FAF1: variants seen among roughly 807,000 people sequenced by gnomAD.
FAF1 encodes Fas associated factor 1, also known as FAS-associated factor 1.
FAF1 carries 25 observed loss-of-function variants against 92.5 expected under a neutral mutation model. The observed-to-expected ratio is 0.27, with a 90% confidence interval of 0.20 to 0.38. FAF1 has a LOEUF of 0.38. Ranked by LOEUF, FAF1 falls within the 10% of genes least tolerant of loss-of-function variation. FAF1 has a pLI of 1.00. For synonymous variants in FAF1, 234 were observed against 273.2 expected (o/e 0.86, Z 1.42); for missense variants, 636 against 793.3 (o/e 0.80, Z 2.38).
intron 4 of FAF1, among the ~76,000 whole-genome samples, chr1:50,769,410 T>C (rs1660699352): frequency 6.6e-6 from 1 of 152,196 alleles, no homozygotes; most frequent in African/African-American, 2.4e-5. Flanking sequence ...TTCCAAATGC[T>C]TGAGGAAGAG....
chr1:50,754,108 A>G (rs999528610), intron 4 of FAF1, among the ~76,000 whole-genome samples: 1 of 151,526 alleles, frequency 6.6e-6, no homozygotes, highest in African/African-American at 2.4e-5. Flanking sequence ...TGATTGATCA[A>G]TTTCTCTCCT....
At chr1:50,479,698 G>A (rs1372752055) in intron 17 of FAF1, among the ~76,000 whole-genome samples, 1 of 152,060 alleles carries the variant, frequency 6.6e-6, no homozygotes, top group Non-Finnish European at 1.5e-5. Context: ...TTATATTACA[G>A]AAGAATAAAC....
intron 3 of FAF1, among the ~76,000 whole-genome samples, chr1:50,793,481 C>G (rs1661636132): frequency 1.3e-5 from 2 of 152,262 alleles, no homozygotes; most frequent in South Asian, 4.1e-4. Flanking sequence ...GTCAGTCTAT[C>G]CTGCAGTTAT....
rs1553132916 is a variant in FAF1, at chr1:50,729,058, A to AAATTTT, written c.551+9804_551+9805insAAAATT. On this transcript the variant is annotated intron_variant, in intron 6 of 18. Coordinates refer to ENST00000396153, the MANE Select transcript of FAF1 (RefSeq NM_007051.3). ...TCTATATATATATATATATATATAT[A>AAATTTT]TTTTTTTTTTTTTTGAGGCAGAGTT... 7.1e-3 allele frequency among the ~76,000 whole-genome samples: 500 copies of AAATTTT among 70,128 alleles called. 6 individuals are homozygous for AAATTTT. The highest frequency in any genetic ancestry group is 0.011 in the Non-Finnish European group (397 of 37,262). The allele number at this position is 70,128 out of a possible 152,430, so 46.0% of individuals were successfully genotyped here. A position where few individuals can be genotyped will look rare whatever the true frequency, so the allele number is the denominator to read the frequency against.
intron 15 of FAF1, among the ~76,000 whole-genome samples, chr1:50,519,867 G>A (rs562733172): frequency 2.6e-5 from 4 of 152,252 alleles, no homozygotes; most frequent in East Asian, 1.9e-4. Context: ...TTGCCCTGGT[G>A]AGGCCTAACT....
intron 18 of FAF1, among the ~76,000 whole-genome samples, chr1:50,473,439 G>C (rs554146752): frequency 6.6e-6 from 1 of 152,296 alleles, no homozygotes; most frequent in Non-Finnish European, 1.5e-5. Context: ...CTAAGGGTTG[G>C]GAAGGGCAAA....
chr1:50,561,771 A>G (rs1177911502), intron 13 of FAF1, among the ~76,000 whole-genome samples: 1 of 152,088 alleles, frequency 6.6e-6, no homozygotes, highest in Non-Finnish European at 1.5e-5. Flanking sequence ...GGTTGCAGTG[A>G]GCTGGATTGC....
At chr1:50,888,789 C>T (rs1644692452) in intron 1 of FAF1, among the ~76,000 whole-genome samples, 1 of 152,138 alleles carries the variant, frequency 6.6e-6, no homozygotes, top group Admixed American at 6.5e-5. Flanking sequence ...AGGATTTTTG[C>T]ATTGATGTTC....
intron 8 of FAF1, among the ~76,000 whole-genome samples, chr1:50,617,735 C>T (rs1023383956): frequency 2.0e-5 from 3 of 146,994 alleles, no homozygotes; most frequent in Non-Finnish European, 4.5e-5. Flanking sequence ...AGCACTGATA[C>T]CAGTTCTTCT....
At chr1:50,637,679 A>ATGTGTGTGTGTGTGTG (rs764058700) in intron 8 of FAF1, among the ~76,000 whole-genome samples, 59 of 101,804 alleles carry the variant, frequency 5.8e-4, no homozygotes, top group South Asian at 1.1e-3. Context: ...ACACATATAT[A>ATGTGTGTGTGTGTGTG]TATGTGTGTG....
At chr1:50,497,540 CTTTTTTTTTT>C (rs61258960) in intron 15 of FAF1, among the ~76,000 whole-genome samples, 2,515 of 100,584 alleles carry the variant, frequency 0.025, 75 homozygotes, top group African/African-American at 0.082. Flanking sequence ...ATTCAAAACT[CTTTTTTTTTT>C]TTTTTTTTTT....
intron 7 of FAF1, among the ~76,000 whole-genome samples, chr1:50,694,538 A>T (rs1319729072): frequency 6.6e-6 from 1 of 151,136 alleles, no homozygotes; most frequent in Non-Finnish European, 1.5e-5. Context: ...GATCTCTTCT[A>T]TAACACTATA....
chr1:50,796,005 ACT>A (rs1305686668), intron 3 of FAF1, among the ~76,000 whole-genome samples: 4 of 152,048 alleles, frequency 2.6e-5, no homozygotes, highest in African/African-American at 9.7e-5. Flanking sequence ...GAGGATTCTG[ACT>A]CTTCAAAAAT....
chr1:50,755,323 G>T (rs1364193072), intron 4 of FAF1, among the ~76,000 whole-genome samples: 20 of 152,190 alleles, frequency 1.3e-4, no homozygotes, highest in Admixed American at 1.3e-3. Context: ...CCAAAATCCA[G>T]CAGGGCAGTC....
intron 2 of FAF1, among the ~76,000 whole-genome samples, chr1:50,839,009 C>A (rs1300154461): frequency 6.6e-6 from 1 of 152,056 alleles, no homozygotes; most frequent in Non-Finnish European, 1.5e-5. Context: ...AACTGTGCTA[C>A]CAGGCACACC....
intron 2 of FAF1, among the ~76,000 whole-genome samples, chr1:50,848,780 C>T (rs943390476): frequency 5.9e-5 from 9 of 152,152 alleles, no homozygotes; most frequent in African/African-American, 2.2e-4. Context: ...AATACCTGAT[C>T]AGTAATCTCT....
chr1:50,545,412 G>T (rs1227316698), intron 13 of FAF1, among the ~76,000 whole-genome samples: 1 of 151,956 alleles, frequency 6.6e-6, no homozygotes, highest in East Asian at 1.9e-4. Flanking sequence ...GAGATTATAG[G>T]TATGTGCCAC....
chr1:50,889,320 T>C (rs1377620970), intron 1 of FAF1, among the ~76,000 whole-genome samples: 3 of 152,364 alleles, frequency 2.0e-5, no homozygotes, highest in Non-Finnish European at 2.9e-5. Context: ...ACCCAGCTCC[T>C]GGATTCATTG....
rs922271562 is a variant in FAF1, at chr1:50,727,534, G to A, written c.551+11329C>T. Among the ~76,000 whole-genome samples, 14 of 152,254 alleles carry A rather than the reference G, an allele frequency of 9.2e-5. 1 individual carries two copies. Among genetic ancestry groups the A allele is most frequent in the South Asian group, 4.1e-4 (2 of 4,826 alleles). On this transcript the variant is annotated intron_variant, in intron 6 of 18. Coordinates refer to ENST00000396153, the MANE Select transcript of FAF1 (RefSeq NM_007051.3). ...TTTTAGGTGGTAGGGATACAACAGT[G>A]AACAACAAAAAATCCCTGATTTTCT...
Sources: allele counts gnomAD v4.1 joint callset (sites outside exome capture counted in the v4.1 genomes callset), GRCh38; gene constraint gnomAD v4.1.1; transcripts MANE v1.5; gene names NCBI Gene and HGNC (gene_info 2026-07-23, HGNC 2026-07-21).